Variants in MEDAG observed in about 807,000 individuals in gnomAD.
The protein encoded by MEDAG is mesenteric estrogen dependent adipogenesis.
A neutral mutation model predicts 29.9 loss-of-function variants in MEDAG; 25 were observed. That is an observed-to-expected ratio of 0.84 (90% CI 0.61 to 1.17). MEDAG has a LOEUF of 1.17. Among genes scored for constraint, MEDAG ranks in the 50% most tolerant of loss-of-function variants. The pLI is 0.00. For synonymous variants in MEDAG, 158 were observed against 148.2 expected (o/e 1.07, Z -0.48); for missense variants, 398 against 372.9 (o/e 1.07, Z -0.56).
At chr13:30,914,370 G>T (rs1490780691) in intron 1 of MEDAG, among the ~76,000 whole-genome samples, 1 of 152,188 alleles carries the variant, frequency 6.6e-6, no homozygotes, top group African/African-American at 2.4e-5. Context: ...TTGTCTGTAA[G>T]TTCTGGCATC....
chr13:30,907,978 A>G (rs1044991232), intron 1 of MEDAG, among the ~76,000 whole-genome samples: 1 of 152,202 alleles, frequency 6.6e-6, no homozygotes, highest in African/African-American at 2.4e-5. Flanking sequence ...ATTCCAAACC[A>G]TAAGCGGAGG....
chr13:30,920,441 T>C (rs574279018), intron 2 of MEDAG, among the ~76,000 whole-genome samples: 1 of 151,918 alleles, frequency 6.6e-6, no homozygotes, highest in South Asian at 2.1e-4. Context: ...ATACAAAAAT[T>C]AGCCAGGCAT....
intron 1 of MEDAG, among the ~76,000 whole-genome samples, chr13:30,915,200 C>A (rs1043747824): frequency 6.6e-6 from 1 of 152,282 alleles, no homozygotes; most frequent in Non-Finnish European, 1.5e-5. Context: ...CTTCTCTTCA[C>A]CCCCTTCCCA....
chr13:30,908,432 C>A (rs543912085), intron 1 of MEDAG, among the ~76,000 whole-genome samples: 2 of 152,204 alleles, frequency 1.3e-5, no homozygotes, highest in Admixed American at 6.5e-5. Context: ...TGTCCTCAGG[C>A]AGGGAAGGAG....
chr13:30,907,272 G>T (rs1226890832), intron 1 of MEDAG, among the ~76,000 whole-genome samples: 3 of 152,234 alleles, frequency 2.0e-5, no homozygotes, highest in Admixed American at 6.5e-5. Flanking sequence ...TGAGGAGACC[G>T]AGTGGAGAAG....
chr13:30,915,654 C>T (rs1229937567), intron 1 of MEDAG, among the ~76,000 whole-genome samples: 1 of 150,516 alleles, frequency 6.6e-6, no homozygotes, highest in East Asian at 2.0e-4. Context: ...AACACCAGCA[C>T]CACTCCCCTC....
intron 1 of MEDAG, among the ~76,000 whole-genome samples, chr13:30,910,001 A>G (rs1435778923): frequency 2.0e-5 from 3 of 152,192 alleles, no homozygotes; most frequent in East Asian, 3.8e-4. Flanking sequence ...AACCTACTTT[A>G]AAAATATTTG....
rs1398673842 is a variant in MEDAG, at chr13:30,921,056, TAAG to T, written c.436_438del (p.Arg146del). On this transcript the variant is annotated inframe_deletion, in exon 3 of 5. Coordinates refer to ENST00000380482, the MANE Select transcript of MEDAG (RefSeq NM_032849.4). ...CTTGTAAACACGAGGCACCCCAAGATAAGAAGACAGATAGAGCAAGGGATGGAC... is the reference window on the plus strand; with the variant it reads ...CTTGTAAACACGAGGCACCCCAAGATAAGACAGATAGAGCAAGGGATGGAC... 1.2e-5 allele frequency: 19 copies of T among 1,614,168 alleles called. No individual in the cohort carries two copies. Among genetic ancestry groups the T allele is most frequent in the Non-Finnish European group, 1.5e-5 (18 of 1,180,022 alleles).
intron 1 of MEDAG, among the ~76,000 whole-genome samples, chr13:30,908,305 C>T (rs1301835913): frequency 6.6e-6 from 1 of 152,146 alleles, no homozygotes; most frequent in African/African-American, 2.4e-5. Context: ...GGTGCAAATA[C>T]AAAACAACAA....
At chr13:30,912,361 A>G (rs761329411) in intron 1 of MEDAG, among the ~76,000 whole-genome samples, 1 of 152,188 alleles carries the variant, frequency 6.6e-6, no homozygotes, top group Non-Finnish European at 1.5e-5. Context: ...TGCTTCCCCC[A>G]AGAGTAAAAT....
At chr13:30,921,222 C>G in intron 3 of MEDAG, 96 bp downstream of exon 3, 1 of 1,025,122 alleles carries the variant, frequency 9.8e-7, no homozygotes, top group Non-Finnish European at 1.4e-6. Context: ...CTGGCTTAGG[C>G]CAAGAGAATG....
At chr13:30,907,000 T>G (rs771849513) in intron 1 of MEDAG, among the ~76,000 whole-genome samples, 8 of 152,198 alleles carry the variant, frequency 5.3e-5, no homozygotes, top group Non-Finnish European at 1.2e-4. Flanking sequence ...CACTGACATT[T>G]TGCAGCTGCT....
At chr13:30,908,313 C>A (rs1952848906) in intron 1 of MEDAG, among the ~76,000 whole-genome samples, 1 of 152,152 alleles carries the variant, frequency 6.6e-6, no homozygotes, top group Admixed American at 6.5e-5. Flanking sequence ...TACAAAACAA[C>A]AAATAATAGG....
At position 30,906,510 on chromosome 13, in the gene MEDAG, G is replaced by C; in HGVS notation, c.-6G>C. On this transcript the variant is annotated 5_prime_UTR_variant, in exon 1 of 5. Coordinates refer to ENST00000380482, the MANE Select transcript of MEDAG (RefSeq NM_032849.4). Reference sequence around the variant, plus strand: ...AGCAGGCGGTGTGAGGACCGACGACGCGGGCATGGCGGGGGCGGCCTGCGA... The same window carrying C: ...AGCAGGCGGTGTGAGGACCGACGACCCGGGCATGGCGGGGGCGGCCTGCGA... 6.6e-7 allele frequency: 1 copy of C among 1,507,922 alleles called. No homozygotes were observed. The highest frequency in any genetic ancestry group is 8.8e-7 in the Non-Finnish European group (1 of 1,135,552). The allele number at this position is 1,507,922 out of a possible 1,614,324, so 93.4% of individuals were successfully genotyped here. A position where few individuals can be genotyped will look rare whatever the true frequency, so the allele number is the denominator to read the frequency against.
intron 1 of MEDAG, among the ~76,000 whole-genome samples, chr13:30,910,193 A>ACACACACACACACACAC (rs1555264548): frequency 6.7e-6 from 1 of 149,170 alleles, no homozygotes; most frequent in East Asian, 2.0e-4. Context: ...CACACACACA[A>ACACACACACACACACAC]ACACACACAC....
chr13:30,920,719 T>C (rs781406238), intron 2 of MEDAG, among the ~76,000 whole-genome samples: 8 of 152,234 alleles, frequency 5.3e-5, no homozygotes, highest in Admixed American at 2.0e-4. Context: ...GTGATAATTA[T>C]AGAGTGGAAT....
At chr13:30,914,578 A>T (rs1318033016) in intron 1 of MEDAG, among the ~76,000 whole-genome samples, 1 of 152,234 alleles carries the variant, frequency 6.6e-6, no homozygotes, top group African/African-American at 2.4e-5. Context: ...TGGATAGCTC[A>T]TGTGTAGGTC....
chr13:30,908,528 G>C (rs1022296764), intron 1 of MEDAG, among the ~76,000 whole-genome samples: 2 of 152,186 alleles, frequency 1.3e-5, no homozygotes, highest in Admixed American at 6.5e-5. Flanking sequence ...CAGAGGGGGA[G>C]GACTGGACTG....
intron 3 of MEDAG, 50 bp from the exon 4 acceptor site, chr13:30,921,511 A>T (rs1481103847): frequency 1.3e-6 from 2 of 1,516,498 alleles, no homozygotes; most frequent in African/African-American, 2.8e-5. Context: ...TACAATGTCA[A>T]CAGGATACTT....
Sources: allele counts gnomAD v4.1 joint callset (sites outside exome capture counted in the v4.1 genomes callset), GRCh38; gene constraint gnomAD v4.1.1; transcripts MANE v1.5; gene names NCBI Gene and HGNC (gene_info 2026-07-23, HGNC 2026-07-21).